Variants in RABGAP1L observed in about 807,000 individuals in gnomAD.
RABGAP1L encodes the protein rab GTPase-activating protein 1-like.
In RABGAP1L, 63 loss-of-function variants were observed where a neutral mutation model predicts 137.7. That is an observed-to-expected ratio of 0.46 (90% CI 0.37 to 0.56). The LOEUF is 0.56. RABGAP1L is among the 20% of genes least tolerant of loss of function. The pLI is 0.00. For missense variants in RABGAP1L, 1,095 were observed against 1,244.0 expected (o/e 0.88, Z 1.80); for synonymous variants, 431 against 433.7 (o/e 0.99, Z 0.08).
At chr1:174,943,917 A>G (rs548572746) in intron 19 of RABGAP1L, among the ~76,000 whole-genome samples, 90 of 152,328 alleles carry the variant, frequency 5.9e-4, no homozygotes, top group African/African-American at 2.0e-3. Flanking sequence ...TTTACCTGCT[A>G]CATAGTAAAT....
rs1300204676 is a variant in RABGAP1L at position 174,573,117 on chromosome 1, G to GTA, written c.1711-64250_1711-64249dup. On this transcript the variant is annotated intron_variant, in intron 13 of 25. Transcript: ENST00000681986. Reference sequence around the variant, plus strand: ...TTTTTAAAATCATTGACTTTAGTGTGTATATATATGTATACACTATTTATG... The same window carrying GTA: ...TTTTTAAAATCATTGACTTTAGTGTGTATATATATATGTATACACTATTTATG... 3.9e-5 allele frequency among the ~76,000 whole-genome samples: 6 copies of GTA among 151,968 alleles called. No individual in the cohort carries two copies. The East Asian group carries it at 5.8e-4, about 15-fold the overall frequency.
intron 13 of RABGAP1L, among the ~76,000 whole-genome samples, chr1:174,615,912 G>T (rs144138558): frequency 4.5e-4 from 69 of 152,184 alleles, no homozygotes; most frequent in Non-Finnish European, 8.2e-4. Flanking sequence ...CTGGTGCGCC[G>T]TTTTTTAAGC....
At chr1:174,423,392 A>G (rs1490890633) in intron 13 of RABGAP1L, among the ~76,000 whole-genome samples, 1 of 152,190 alleles carries the variant, frequency 6.6e-6, no homozygotes, top group Non-Finnish European at 1.5e-5. Flanking sequence ...AATGTAAAAA[A>G]TATCTTTTGG....
At chr1:174,546,987 G>A (rs1252066326) in intron 13 of RABGAP1L, among the ~76,000 whole-genome samples, 5 of 120,912 alleles carry the variant, frequency 4.1e-5, no homozygotes, top group African/African-American at 6.6e-5. Context: ...CAGAGATCGC[G>A]CCACTGCACT....
At chr1:174,490,685 A>G (rs1363173966) in intron 13 of RABGAP1L, among the ~76,000 whole-genome samples, 3 of 152,106 alleles carry the variant, frequency 2.0e-5, no homozygotes, top group Admixed American at 2.0e-4. Flanking sequence ...TTAGGCCCAA[A>G]TGGGTCTAGA....
intron 20 of RABGAP1L, among the ~76,000 whole-genome samples, chr1:174,967,330 ATTTTTTTT>A (rs35787924): frequency 8.6e-6 from 1 of 115,880 alleles, no homozygotes; most frequent in African/African-American, 3.5e-5. Context: ...CACCCAGCTA[ATTTTTTTT>A]TTTTTTTTTT....
At chr1:174,902,229 AG>A (rs1356619008) in intron 19 of RABGAP1L, among the ~76,000 whole-genome samples, 1 of 152,174 alleles carries the variant, frequency 6.6e-6, no homozygotes, top group Non-Finnish European at 1.5e-5. Flanking sequence ...GCTGTGTTGG[AG>A]GAGGTCCCTT....
chr1:174,858,258 C>T (rs1213143698), intron 19 of RABGAP1L, among the ~76,000 whole-genome samples: 1 of 152,130 alleles, frequency 6.6e-6, no homozygotes, highest in African/African-American at 2.4e-5. Context: ...CTCAAGTGAT[C>T]CTCCTGCCCT....
At chr1:174,841,736 G>C (rs963377052) in intron 19 of RABGAP1L, among the ~76,000 whole-genome samples, 4 of 151,964 alleles carry the variant, frequency 2.6e-5, no homozygotes, top group African/African-American at 7.2e-5. Context: ...AAAATATTTT[G>C]TTCAATCCTG....
chr1:174,614,426 A>C (rs567936779), intron 13 of RABGAP1L, among the ~76,000 whole-genome samples: 32 of 152,276 alleles, frequency 2.1e-4, no homozygotes, highest in African/African-American at 5.3e-4. Flanking sequence ...TCTGGCTTGT[A>C]GACTTTCTGC....
chr1:174,521,244 ATAT>A (rs1164530856), intron 13 of RABGAP1L, among the ~76,000 whole-genome samples: 1 of 152,242 alleles, frequency 6.6e-6, no homozygotes, highest in African/African-American at 2.4e-5. Context: ...TTATTTAGTA[ATAT>A]TCTAAATTAT....
intron 9 of RABGAP1L, among the ~76,000 whole-genome samples, chr1:174,278,011 G>C (rs181220849): frequency 1.9e-4 from 29 of 152,218 alleles, no homozygotes; most frequent in East Asian, 5.8e-4. Flanking sequence ...TCCTTTAACA[G>C]AGAACTAAAA....
Position 174,219,227 on chromosome 1 carries a change from G to C in RABGAP1L, c.70G>C (p.Glu24Gln), listed in dbSNP as rs769489801. 6 of 1,603,270 alleles carry C rather than the reference G, an allele frequency of 3.7e-6. No individual in the cohort carries two copies. Among genetic ancestry groups the C allele is most frequent in the Non-Finnish European group, 5.1e-6 (6 of 1,173,162 alleles). The change falls in exon 2 of 26, where the codon GAA becomes CAA. Residue 24 changes from glutamate (E) to glutamine (Q), a missense_variant. Physicochemically the swap from Glu to Gln is conservative, Grantham distance 29. Coordinates refer to ENST00000681986, the MANE Select transcript of RABGAP1L (RefSeq NM_001366446.1). ...SDSVATMNSE[E>Q]FVLVPQYADD... ...TTCTGTGGCTACAATGAACAGTGAA[G>C]AATTTGTTTTGGTTCCTCAGTATGC...
chr1:174,164,696 C>T (rs368544268), intron 1 of RABGAP1L, among the ~76,000 whole-genome samples: 8 of 152,292 alleles, frequency 5.3e-5, no homozygotes, highest in East Asian at 1.9e-4. Flanking sequence ...TTATAGCACC[C>T]CACTGCTTAT....
At chr1:174,963,112 A>T (rs111575605) in intron 20 of RABGAP1L, among the ~76,000 whole-genome samples, 2,686 of 151,688 alleles carry the variant, frequency 0.018, 79 homozygotes, top group African/African-American at 0.061. Flanking sequence ...AAAAAAAAAA[A>T]TTTTTTTTCT....
chr1:174,860,858 G>T (rs1181538033), intron 19 of RABGAP1L, among the ~76,000 whole-genome samples: 1 of 152,130 alleles, frequency 6.6e-6, no homozygotes. Flanking sequence ...CATACATTGT[G>T]AAATAATTAC....
At chr1:174,250,404 G>A (rs2148592858) in intron 5 of RABGAP1L, 71 bp from the exon 6 acceptor site, 1 of 1,191,646 alleles carries the variant, frequency 8.4e-7, no homozygotes, top group East Asian at 2.5e-5. Flanking sequence ...AGATTCAAGA[G>A]TTAGGAGAGA....
intron 14 of RABGAP1L, among the ~76,000 whole-genome samples, chr1:174,652,899 C>T (rs1675650653): frequency 6.6e-6 from 1 of 152,168 alleles, no homozygotes; most frequent in African/African-American, 2.4e-5. Context: ...GTGCCCACAG[C>T]CTCCCCTTCC....
intron 18 of RABGAP1L, among the ~76,000 whole-genome samples, chr1:174,762,087 G>C (rs1435224609): frequency 6.6e-6 from 1 of 152,074 alleles, no homozygotes. Flanking sequence ...TTGAGGGACA[G>C]ATGGAAGCCA....
Sources: gnomAD v4.1 joint callset for allele counts (sites outside exome capture counted in the v4.1 genomes callset) on GRCh38, gnomAD v4.1.1 for gene constraint, MANE v1.5 for transcripts, NCBI Gene and HGNC (gene_info 2026-07-23, HGNC 2026-07-21) for gene names.